TTC28: variants seen among roughly 807,000 people sequenced by gnomAD.
The protein encoded by TTC28 is tetratricopeptide repeat protein 28.
Under a neutral mutation model 198.0 loss-of-function variants are expected in TTC28, and 61 were observed. The ratio of observed to expected loss-of-function variants is 0.31; its 90% confidence interval spans 0.25 to 0.38. The LOEUF (loss-of-function observed/expected upper bound fraction) is 0.38, where lower values mean the gene tolerates loss of function less well. Among genes scored for constraint, TTC28 ranks in the 10% least tolerant of loss-of-function variants. The probability of loss-of-function intolerance (pLI) is 1.00; values close to 1 mark genes in which losing one functional copy is unlikely to be tolerated. For synonymous variants in TTC28, 1,171 were observed against 1,297.8 expected, an observed-to-expected ratio of 0.90 and a Z score of 2.10; for missense variants, 2,678 against 3,164.0, an observed-to-expected ratio of 0.85 and a Z score of 3.69.
At chr22:28,656,033 GT>G (rs1209761661) in intron 1 of TTC28, among the ~76,000 whole-genome samples, 1 of 152,122 alleles carries the variant, frequency 6.6e-6, no homozygotes, top group African/African-American at 2.4e-5. Context: ...TGTTAACTGA[GT>G]TTGAAATTTT....
intron 1 of TTC28, among the ~76,000 whole-genome samples, chr22:28,662,087 T>G (rs2051758481): frequency 6.6e-6 from 1 of 152,218 alleles, no homozygotes; most frequent in African/African-American, 2.4e-5. Context: ...GCTCACATTG[T>G]AATTAATTTC....
chr22:28,226,759 A>G (rs531881572), intron 5 of TTC28, among the ~76,000 whole-genome samples: 45 of 151,734 alleles, frequency 3.0e-4, no homozygotes, highest in Non-Finnish European at 5.7e-4. Context: ...TGTTTTTGTC[A>G]CTCAGTGCCA....
intron 1 of TTC28, among the ~76,000 whole-genome samples, chr22:28,642,635 A>C (rs2051387787): frequency 6.6e-6 from 1 of 152,200 alleles, no homozygotes; most frequent in Non-Finnish European, 1.5e-5. Context: ...GGCCATGCAG[A>C]TACATATGGA....
intron 2 of TTC28, among the ~76,000 whole-genome samples, chr22:28,479,308 C>T (rs1435924830): frequency 6.6e-6 from 1 of 152,204 alleles, no homozygotes; most frequent in Admixed American, 6.5e-5. Context: ...TAACTATAAA[C>T]AAGTTGGTTT....
chr22:28,499,884 T>C (rs926989261), intron 2 of TTC28, among the ~76,000 whole-genome samples: 3 of 152,296 alleles, frequency 2.0e-5, no homozygotes, highest in Middle Eastern at 3.4e-3. Context: ...AGTGATCAGA[T>C]TGGGGTAATC....
chr22:28,214,988 T>A (rs1299668413), intron 5 of TTC28, among the ~76,000 whole-genome samples: 1 of 152,138 alleles, frequency 6.6e-6, no homozygotes, highest in Non-Finnish European at 1.5e-5. Flanking sequence ...CGTAGGGACA[T>A]GCATGAAGCT....
chr22:28,432,587 G>C (rs2047449616), intron 2 of TTC28, among the ~76,000 whole-genome samples: 1 of 152,104 alleles, frequency 6.6e-6, no homozygotes, highest in African/African-American at 2.4e-5. Flanking sequence ...ACTATGAATA[G>C]GACAGCATTT....
intron 16 of TTC28, chr22:27,997,787 C>G (rs1937578407): frequency 6.6e-6 from 1 of 152,302 alleles, no homozygotes; most frequent in African/African-American, 2.4e-5. Flanking sequence ...ACTGAGGGAA[C>G]AGGCCCAGGG....
intron 2 of TTC28, among the ~76,000 whole-genome samples, chr22:28,553,395 G>A (rs372331813): frequency 5.3e-5 from 8 of 150,580 alleles, no homozygotes; most frequent in Admixed American, 2.6e-4. Context: ...GTCTCTGCCC[G>A]GCCGCCCATC....
At chr22:28,167,152 A>G (rs1922079718) in intron 5 of TTC28, among the ~76,000 whole-genome samples, 1 of 152,208 alleles carries the variant, frequency 6.6e-6, no homozygotes, top group South Asian at 2.1e-4. Context: ...AAGACCAATA[A>G]CAGGCTCTCA....
At chr22:28,440,261 G>A (rs912468074) in intron 2 of TTC28, among the ~76,000 whole-genome samples, 1 of 152,040 alleles carries the variant, frequency 6.6e-6, no homozygotes, top group African/African-American at 2.4e-5. Context: ...AGAAGACTGG[G>A]ACCTAAGGTC....
chr22:28,677,912 T>A (rs919161045), intron 1 of TTC28, among the ~76,000 whole-genome samples: 1 of 151,212 alleles, frequency 6.6e-6, no homozygotes, highest in African/African-American at 2.4e-5. Flanking sequence ...CACTCCAGCC[T>A]GGAAGACAGA....
intron 5 of TTC28, among the ~76,000 whole-genome samples, chr22:28,277,841 T>C (rs1049770312): frequency 1.3e-5 from 2 of 152,110 alleles, no homozygotes; most frequent in African/African-American, 4.8e-5. Context: ...GATCCCAAAG[T>C]TAAAAATCAA....
chr22:28,590,169 C>T (rs2050401570), intron 2 of TTC28, among the ~76,000 whole-genome samples: 1 of 149,466 alleles, frequency 6.7e-6, no homozygotes, highest in South Asian at 2.1e-4. Context: ...TCTCTGTCGC[C>T]CAGGCTGGAG....
intron 5 of TTC28, among the ~76,000 whole-genome samples, chr22:28,214,400 TC>T (rs1377221337): frequency 6.6e-6 from 1 of 152,126 alleles, no homozygotes; most frequent in East Asian, 1.9e-4. Context: ...AGGGCGAATA[TC>T]CAGAATCTAC....
chr22:28,036,426 C>G (rs1047727482), intron 12 of TTC28, among the ~76,000 whole-genome samples: 1 of 151,938 alleles, frequency 6.6e-6, no homozygotes, highest in African/African-American at 2.4e-5. Context: ...TTACTGGGTA[C>G]GTAACAAAAT....
chr22:28,395,798 A>G (rs2046806587), intron 2 of TTC28, among the ~76,000 whole-genome samples: 1 of 152,194 alleles, frequency 6.6e-6, no homozygotes, highest in South Asian at 2.1e-4. Flanking sequence ...TAACAGCAAC[A>G]ATATTTTTAA....
chr22:28,293,407 A>C (rs1391363605), intron 5 of TTC28, among the ~76,000 whole-genome samples: 1 of 152,100 alleles, frequency 6.6e-6, no homozygotes, highest in Non-Finnish European at 1.5e-5. Flanking sequence ...TTATATATGG[A>C]GTCTAAAATA....
rs150697530 is a variant in TTC28, at chr22:28,163,865, C to T, written c.934-266G>A. On this transcript the variant is annotated intron_variant, in intron 5 of 22. Transcript: ENST00000397906. ...GCGAGGCATTGCCTCACCTGGGAAG[C>T]ACAAGGGGTCAAGGAATTCCCTTTC... is the stretch of plus-strand genomic sequence containing the variant. Among the ~76,000 whole-genome samples the T allele has an allele frequency of 7.7e-3, 1,174 of 152,292 alleles. 24 individuals are homozygous for T. The highest frequency in any genetic ancestry group is 0.026 in the African/African-American group (1,081 of 41,562).
Sources: allele counts gnomAD v4.1 joint callset (sites outside exome capture counted in the v4.1 genomes callset), GRCh38; gene constraint gnomAD v4.1.1; transcripts MANE v1.5; gene names NCBI Gene and HGNC (gene_info 2026-07-23, HGNC 2026-07-21).